The following NAALADL2 variants were observed in gnomAD, a reference collection of about 807,000 sequenced individuals.
NAALADL2 encodes the protein N-acetylated alpha-linked acidic dipeptidase like 2.
A neutral mutation model predicts 87.2 loss-of-function variants in NAALADL2; 76 were observed. The ratio of observed to expected loss-of-function variants is 0.87; its 90% CI spans 0.72 to 1.05. The LOEUF is 1.05. Among genes scored for constraint, NAALADL2 ranks in the 50% least tolerant of loss-of-function variants. The probability of loss-of-function intolerance (pLI) is 0.00; values close to 1 mark genes in which losing one functional copy is unlikely to be tolerated. For synonymous variants in NAALADL2, 354 were observed against 331.0 expected, an observed-to-expected ratio of 1.07 and a Z score of -0.75; for missense variants, 1,089 against 945.8, an observed-to-expected ratio of 1.15 and a Z score of -1.99.
intron 1 of NAALADL2, among the ~76,000 whole-genome samples, chr3:174,982,790 A>G (rs1353185465): frequency 2.0e-5 from 3 of 150,904 alleles, no homozygotes; most frequent in Admixed American, 2.0e-4. Flanking sequence ...GTTTCATAGT[A>G]ACCAGGTTAA....
intron 9 of NAALADL2, among the ~76,000 whole-genome samples, chr3:175,548,531 A>G (rs2149485414): frequency 6.6e-6 from 1 of 152,176 alleles, no homozygotes; most frequent in African/African-American, 2.4e-5. Flanking sequence ...GCAAACTTGC[A>G]TTTGTACCTC....
intron 2 of NAALADL2, among the ~76,000 whole-genome samples, chr3:175,187,093 C>T (rs1357161591): frequency 6.6e-6 from 1 of 152,096 alleles, no homozygotes; most frequent in Non-Finnish European, 1.5e-5. Context: ...TGTCAAGGCC[C>T]TGATGACTGG....
chr3:175,481,472 G>A (rs1471625905), intron 9 of NAALADL2, among the ~76,000 whole-genome samples: 1 of 151,574 alleles, frequency 6.6e-6, no homozygotes, highest in Non-Finnish European at 1.5e-5. Context: ...ACCATAAATT[G>A]ATAGGTATTT....
intron 1 of NAALADL2, among the ~76,000 whole-genome samples, chr3:174,974,720 T>C (rs1034591594): frequency 6.6e-6 from 1 of 152,146 alleles, no homozygotes; most frequent in African/African-American, 2.4e-5. Context: ...TTCAATTGTA[T>C]AACATTTATT....
intron 1 of NAALADL2, among the ~76,000 whole-genome samples, chr3:174,869,619 A>G (rs1027319848): frequency 2.6e-5 from 4 of 152,076 alleles, no homozygotes; most frequent in Admixed American, 2.0e-4. Context: ...AAGAGTCAAG[A>G]TGGAGCTGTG....
intron 1 of NAALADL2, among the ~76,000 whole-genome samples, chr3:174,947,371 A>T (rs766317221): frequency 2.2e-4 from 34 of 152,278 alleles, no homozygotes; most frequent in Non-Finnish European, 3.2e-4. Context: ...AGCAGAGCTG[A>T]AGATTGCTGT....
intron 3 of NAALADL2, among the ~76,000 whole-genome samples, chr3:174,778,460 T>A (rs62284880): frequency 0.29 from 43,457 of 151,682 alleles, 6,262 homozygotes; most frequent in Middle Eastern, 0.34. Context: ...GCACCAGGTT[T>A]GGGTTAGGAT....
intron 6 of NAALADL2, among the ~76,000 whole-genome samples, chr3:175,451,081 T>G (rs1234662111): frequency 6.6e-6 from 1 of 152,014 alleles, no homozygotes; most frequent in Non-Finnish European, 1.5e-5. Flanking sequence ...CTTATTTATA[T>G]GATTAGAGCC....
At chr3:175,013,302 T>TATATATA (rs1491529571) in intron 1 of NAALADL2, among the ~76,000 whole-genome samples, 3 of 54,862 alleles carry the variant, frequency 5.5e-5, no homozygotes, top group Non-Finnish European at 9.8e-5. Context: ...TATATATATA[T>TATATATA]TTTTTTTTTT....
chr3:174,943,012 G>A (rs536743201), intron 1 of NAALADL2, among the ~76,000 whole-genome samples: 7 of 152,156 alleles, frequency 4.6e-5, no homozygotes, highest in South Asian at 2.1e-4. Context: ...GTTTCTATAC[G>A]TATTCCAAAT....
At chr3:175,413,421 A>T (rs185573596) in intron 5 of NAALADL2, among the ~76,000 whole-genome samples, 1 of 151,292 alleles carries the variant, frequency 6.6e-6, no homozygotes. Context: ...AGTACAAAAA[A>T]TTGGCCGGGC....
At chr3:174,986,844 G>A (rs1202560174) in intron 1 of NAALADL2, among the ~76,000 whole-genome samples, 1 of 152,120 alleles carries the variant, frequency 6.6e-6, no homozygotes, top group Non-Finnish European at 1.5e-5. Context: ...TTTCTCCATG[G>A]ACAAATTTGG....
chr3:175,212,737 C>T (rs1741942853), intron 2 of NAALADL2, among the ~76,000 whole-genome samples: 2 of 152,038 alleles, frequency 1.3e-5, no homozygotes, highest in Non-Finnish European at 2.9e-5. Flanking sequence ...TCAGCTTTCC[C>T]AGAAATGAGC....
chr3:174,993,415 G>A (rs1364643441), intron 1 of NAALADL2, among the ~76,000 whole-genome samples: 1 of 152,036 alleles, frequency 6.6e-6, no homozygotes, highest in Non-Finnish European at 1.5e-5. Flanking sequence ...TACTCATGGA[G>A]CCTCTCTTCA....
At chr3:175,494,054 G>A (rs1728480265) in intron 9 of NAALADL2, among the ~76,000 whole-genome samples, 1 of 151,804 alleles carries the variant, frequency 6.6e-6, no homozygotes, top group Admixed American at 6.6e-5. Flanking sequence ...ATTTTAAAAT[G>A]AAGAGAAACA....
chr3:174,944,221 G>A (rs1739057028), intron 1 of NAALADL2, among the ~76,000 whole-genome samples: 1 of 152,112 alleles, frequency 6.6e-6, no homozygotes. Context: ...GAACCCACCT[G>A]TAGGAGGTGG....
At chr3:175,314,717 T>C (rs1388911471) in intron 4 of NAALADL2, among the ~76,000 whole-genome samples, 6 of 87,092 alleles carry the variant, frequency 6.9e-5, no homozygotes, top group African/African-American at 2.4e-4. Context: ...TATATATATA[T>C]ATATAGTTAG....
chr3:174,502,520 C>T (rs1718959943), intron 1 of NAALADL2, among the ~76,000 whole-genome samples: 1 of 151,974 alleles, frequency 6.6e-6, no homozygotes, highest in African/African-American at 2.4e-5. Flanking sequence ...CATTAAATTA[C>T]CTCAAATCTT....
At chr3:175,398,409 T>C (rs1770113920) in intron 5 of NAALADL2, among the ~76,000 whole-genome samples, 1 of 150,586 alleles carries the variant, frequency 6.6e-6, no homozygotes, top group African/African-American at 2.5e-5. Context: ...TTTAAAATCT[T>C]CTAATTCCCC....
Sources: allele counts gnomAD v4.1 joint callset (sites outside exome capture counted in the v4.1 genomes callset), GRCh38; gene constraint gnomAD v4.1.1; transcripts MANE v1.5; gene names NCBI Gene and HGNC (gene_info 2026-07-23, HGNC 2026-07-21).